Variants in TENM3 observed in about 807,000 individuals in gnomAD.
TENM3 encodes teneurin transmembrane protein 3.
TENM3 carries 63 observed loss-of-function variants against 255.1 expected under a neutral mutation model. That is an observed-to-expected ratio of 0.25 (90% CI 0.20 to 0.30). The LOEUF is 0.30. Among genes scored for constraint, TENM3 ranks in the 10% least tolerant of loss-of-function variants. TENM3 has a pLI of 1.00. For missense variants in TENM3, 2,929 were observed against 3,461.1 expected, an observed-to-expected ratio of 0.85 and a Z score of 3.86; for synonymous variants, 1,306 against 1,322.3, an observed-to-expected ratio of 0.99 and a Z score of 0.27.
At chr4:182,409,936 A>C (rs896627269) in intron 3 of TENM3, among the ~76,000 whole-genome samples, 3 of 150,594 alleles carry the variant, frequency 2.0e-5, no homozygotes, top group African/African-American at 7.3e-5. Context: ...TGATCCTCCT[A>C]TCTCAGCCTC....
At chr4:181,540,290 G>A in the TENM3 span, among the ~76,000 whole-genome samples, 1 of 152,068 alleles carries the variant, frequency 6.6e-6, no homozygotes, top group Non-Finnish European at 1.5e-5. Context: ...CGGGCCACAA[G>A]TACTGATATA....
chr4:181,541,897 A>C, the TENM3 span, among the ~76,000 whole-genome samples: 8 of 152,294 alleles, frequency 5.3e-5, no homozygotes, highest in Non-Finnish European at 7.4e-5. Flanking sequence ...ATGTGCCTCA[A>C]TTTCAGATGG....
the TENM3 span, among the ~76,000 whole-genome samples, chr4:181,612,048 T>G: frequency 5.3e-5 from 8 of 152,200 alleles, no homozygotes; most frequent in Non-Finnish European, 1.2e-4. Context: ...AGGAAAAATA[T>G]ATTTTTTCTG....
intron 22 of TENM3, among the ~76,000 whole-genome samples, chr4:182,768,858 C>T (rs912632890): frequency 2.0e-5 from 3 of 151,964 alleles, no homozygotes; most frequent in African/African-American, 7.3e-5. Flanking sequence ...TCCTTTCCAG[C>T]GAGAGTCCTT....
chr4:182,263,932 GA>G (rs145969569), intron 1 of TENM3, among the ~76,000 whole-genome samples: 2 of 150,418 alleles, frequency 1.3e-5, no homozygotes, highest in Non-Finnish European at 3.0e-5. Context: ...TGGCCAGAAC[GA>G]AAAAAAAATA....
the TENM3 span, among the ~76,000 whole-genome samples, chr4:181,644,618 GCTT>G: frequency 2.6e-5 from 4 of 152,196 alleles, no homozygotes; most frequent in South Asian, 8.3e-4. Context: ...ACACAAAGTG[GCTT>G]CTTTGTGACC....
chr4:181,809,473 G>T, the TENM3 span, among the ~76,000 whole-genome samples: 1 of 152,088 alleles, frequency 6.6e-6, no homozygotes. Flanking sequence ...TTTGTGGCTC[G>T]TTGGTTCGAT....
intron 3 of TENM3, among the ~76,000 whole-genome samples, chr4:182,503,499 C>T (rs1317678771): frequency 2.0e-5 from 3 of 152,144 alleles, no homozygotes; most frequent in Non-Finnish European, 4.4e-5. Context: ...CATATATACT[C>T]ATTTTTTTCT....
At chr4:182,036,857 AT>A in the TENM3 span, among the ~76,000 whole-genome samples, 2,109 of 152,070 alleles carry the variant, frequency 0.014, 52 homozygotes, top group African/African-American at 0.046. Context: ...TATCTTGCTG[AT>A]TTTTTTTATA....
chr4:182,712,402 G>T (rs1395690018), intron 12 of TENM3, among the ~76,000 whole-genome samples: 3 of 151,146 alleles, frequency 2.0e-5, no homozygotes, highest in South Asian at 2.1e-4. Flanking sequence ...CTCCTTGTCA[G>T]TGGGGCAATT....
At chr4:182,086,769 A>G in the TENM3 span, among the ~76,000 whole-genome samples, 119,767 of 152,074 alleles carry the variant, frequency 0.79, 47,260 homozygotes, top group Middle Eastern at 0.85. Context: ...TTTGAGCAAC[A>G]CTTAGAAATA....
chr4:182,041,844 C>A, the TENM3 span, among the ~76,000 whole-genome samples: 1 of 152,186 alleles, frequency 6.6e-6, no homozygotes, highest in Admixed American at 6.6e-5. Context: ...AGCTACAGTT[C>A]ACTTTGCAGT....
intron 3 of TENM3, among the ~76,000 whole-genome samples, chr4:182,561,969 CAGATAGATAGAT>C (rs200715038): frequency 7.1e-6 from 1 of 141,616 alleles, no homozygotes; most frequent in Non-Finnish European, 1.5e-5. Flanking sequence ...TGTGTATATC[CAGATAGATAGAT>C]AGACAGATAG....
At chr4:182,018,560 A>G in the TENM3 span, among the ~76,000 whole-genome samples, 1 of 152,134 alleles carries the variant, frequency 6.6e-6, no homozygotes, top group Non-Finnish European at 1.5e-5. Flanking sequence ...CATCATTCTG[A>G]CCTTTGTATA....
chr4:182,674,692 CA>C (rs1033675495), intron 7 of TENM3, among the ~76,000 whole-genome samples: 53 of 152,140 alleles, frequency 3.5e-4, no homozygotes, highest in African/African-American at 1.2e-3. Context: ...CCTTCCACCC[CA>C]GCCTCCTGGG....
intron 20 of TENM3, 128 bp from the exon 21 acceptor site, chr4:182,753,322 G>C (rs920574152): frequency 5.6e-6 from 4 of 715,016 alleles, no homozygotes; most frequent in African/African-American, 1.8e-5. Flanking sequence ...GCAATCTGCA[G>C]TCCTACCTGC....
intron 22 of TENM3, among the ~76,000 whole-genome samples, chr4:182,758,421 T>C (rs1306729939): frequency 6.6e-6 from 1 of 152,118 alleles, no homozygotes; most frequent in Non-Finnish European, 1.5e-5. Context: ...ATTGTCTGTG[T>C]AAGTTTGAGA....
intron 3 of TENM3, among the ~76,000 whole-genome samples, chr4:182,396,340 A>G (rs1768810478): frequency 1.3e-5 from 2 of 152,326 alleles, no homozygotes; most frequent in Non-Finnish European, 2.9e-5. Context: ...AGAGTCAGCC[A>G]GTCCTGATGT....
At chr4:182,034,698 T>G in the TENM3 span, among the ~76,000 whole-genome samples, 1 of 152,202 alleles carries the variant, frequency 6.6e-6, no homozygotes, top group African/African-American at 2.4e-5. Context: ...TTTAAGAATG[T>G]TGAATATCAG....
Sources: gnomAD v4.1 joint callset for allele counts (sites outside exome capture counted in the v4.1 genomes callset) on GRCh38, gnomAD v4.1.1 for gene constraint, MANE v1.5 for transcripts, NCBI Gene and HGNC (gene_info 2026-07-23, HGNC 2026-07-21) for gene names.